The following AGAP1 variants were observed in gnomAD, a reference collection of about 807,000 sequenced individuals.
AGAP1 encodes arf-GAP with GTPase, ANK repeat and PH domain-containing protein 1.
In AGAP1, 29 loss-of-function variants were observed where a neutral mutation model predicts 105.3. That is an observed-to-expected ratio of 0.28 (90% confidence interval 0.21 to 0.38). AGAP1 has a LOEUF of 0.38. Among genes scored for constraint, AGAP1 ranks in the 10% least tolerant of loss-of-function variants. The pLI, the probability that AGAP1 is intolerant of heterozygous loss-of-function variation, is 1.00. For missense variants in AGAP1, 998 were observed against 1,165.1 expected (o/e 0.86, Z 2.09); for synonymous variants, 509 against 485.9 (o/e 1.05, Z -0.63).
At chr2:235,950,065 A>T (rs2053669355) in intron 12 of AGAP1, among the ~76,000 whole-genome samples, 1 of 152,012 alleles carries the variant, frequency 6.6e-6, no homozygotes, top group African/African-American at 2.4e-5. Context: ...GGGCACAGAG[A>T]GTGAGGTGTT....
Position 236,090,076 on chromosome 2 carries a change from C to T in AGAP1, c.2115-30116C>T, listed in dbSNP as rs149251937. Among the ~76,000 whole-genome samples the T allele has an allele frequency of 1.6e-3, 238 of 152,300 alleles. No individual in the cohort carries two copies. The highest frequency in any genetic ancestry group is 5.5e-3 in the African/African-American group (227 of 41,574). Reference sequence around the variant, plus strand: ...AGTTGCAGGGAGGAGCACGTGTTTACCAGGAAACCCACTGCTCTCCTCACC... The same window carrying T: ...AGTTGCAGGGAGGAGCACGTGTTTATCAGGAAACCCACTGCTCTCCTCACC... On this transcript the variant is annotated intron_variant, in intron 16 of 17. Transcript: ENST00000304032. The surrounding 1 kb of genome is among the most constrained non-coding windows in gnomAD (Gnocchi z 4.3).
chr2:236,053,180 T>A lies in AGAP1; in HGVS notation c.2114+3899T>A, dbSNP rs1312041387. 6.6e-6 allele frequency among the ~76,000 whole-genome samples: 1 copy of A among 152,212 alleles called. No homozygotes were observed. The highest frequency in any genetic ancestry group is 2.4e-5 in the African/African-American group (1 of 41,456). On this transcript the variant is annotated intron_variant, in intron 16 of 17. Coordinates refer to ENST00000304032, the MANE Select transcript of AGAP1 (RefSeq NM_001037131.3). The surrounding 1 kb of genome is among the most constrained non-coding windows in gnomAD (Gnocchi z 4.6). ...CTGTAAGGAGAAGTTGCCAAGCTCC[T>A]TGGTGACCCTTTCAAAGGCAAGAGT...
At chr2:235,717,748 G>A in intron 3 of AGAP1, 104 bp downstream of exon 3, 1 of 975,010 alleles carries the variant, frequency 1.0e-6, no homozygotes, top group South Asian at 1.6e-5. Flanking sequence ...GGTCAAGAAA[G>A]CAATAAAACA....
Position 235,789,359 on chromosome 2 carries a change from C to G in AGAP1, c.674-8400C>G, listed in dbSNP as rs569733163. Among the ~76,000 whole-genome samples, 3 of 152,270 alleles carry G rather than the reference C, an allele frequency of 2.0e-5. No individual in the cohort carries two copies. The highest frequency in any genetic ancestry group is 7.2e-5 in the African/African-American group (3 of 41,546). ...GAAGGTAACTGTTTATTACAGTCGG[C>G]ATTTAAATCCCCCGATTAATAGGAG... On this transcript the variant is annotated intron_variant, in intron 6 of 17. Transcript: ENST00000304032. This position sits in a 1 kb window ranked among gnomAD's most constrained non-coding sequence, Gnocchi z 4.2.
At chr2:235,947,440 A>G (rs1188859690) in intron 12 of AGAP1, among the ~76,000 whole-genome samples, 1 of 152,214 alleles carries the variant, frequency 6.6e-6, no homozygotes, top group Non-Finnish European at 1.5e-5. Context: ...TTCCATAATT[A>G]TATATACATA....
At position 235,889,369 on chromosome 2, in the gene AGAP1, C is replaced by G. The variant is rs1053619958; in HGVS notation, c.1155+5920C>G. The stretch of plus-strand genomic sequence containing the variant: ...ATGGGTCGGCTGCCTGGGAACCTCA[C>G]GAATACTGATCCCCAGGGACTGCGT... On this transcript the variant is annotated intron_variant, in intron 10 of 17. Coordinates refer to ENST00000304032, the MANE Select transcript of AGAP1 (RefSeq NM_001037131.3). The surrounding 1 kb of genome is among the most constrained non-coding windows in gnomAD (Gnocchi z 4.6). 6.6e-6 allele frequency among the ~76,000 whole-genome samples: 1 copy of G among 152,084 alleles called. No individual in the cohort carries two copies. The highest frequency in any genetic ancestry group is 6.6e-5 in the Admixed American group (1 of 15,258).
intron 1 of AGAP1, among the ~76,000 whole-genome samples, chr2:235,650,957 A>C (rs923259105): frequency 5.3e-5 from 8 of 152,078 alleles, no homozygotes; most frequent in African/African-American, 1.7e-4. Flanking sequence ...AGGCAGACAG[A>C]TCACTTGAGG....
rs993513185 is a variant in AGAP1 at position 235,664,620 on chromosome 2, A to G, written c.164-44559A>G. On this transcript the variant is annotated intron_variant, in intron 1 of 17. Coordinates refer to ENST00000304032, the MANE Select transcript of AGAP1 (RefSeq NM_001037131.3). This position sits in a 1 kb window ranked among gnomAD's most constrained non-coding sequence, Gnocchi z 5.7. ...GTTTGGGAATAAGAATCTACTCACA[A>G]TGGACACTTGCTGGCTTGTTTTAAA... Among the ~76,000 whole-genome samples, 18 of 152,206 alleles carry G rather than the reference A, an allele frequency of 1.2e-4. No individual in the cohort carries two copies. Among genetic ancestry groups the G allele is most frequent in the African/African-American group, 3.9e-4 (16 of 41,456 alleles).
At chr2:235,826,888 C>T (rs1959100443) in intron 9 of AGAP1, among the ~76,000 whole-genome samples, 1 of 152,164 alleles carries the variant, frequency 6.6e-6, no homozygotes. Context: ...AAACAGCCTC[C>T]AAAGCAATGA....
Position 235,734,798 on chromosome 2 carries a change from T to G in AGAP1, c.311-6165T>G, listed in dbSNP as rs1216248864. Among the ~76,000 whole-genome samples the G allele has an allele frequency of 6.6e-6, 1 of 152,226 alleles. No individual in the cohort carries two copies. The highest frequency in any genetic ancestry group is 1.5e-5 in the Non-Finnish European group (1 of 68,040). On this transcript the variant is annotated intron_variant, in intron 3 of 17. Transcript: ENST00000304032. The surrounding 1 kb of genome is among the most constrained non-coding windows in gnomAD (Gnocchi z 5.3). ...CGGCTTTGTTTCTGTAGGGCTTGTC[T>G]TAGCAGAAGTTCACATGGAAGAGAG... is the stretch of plus-strand genomic sequence containing the variant.
In AGAP1 at chr2:235,963,995, A is replaced by T. The variant is rs2054290328; in HGVS notation, c.1484-4467A>T. On this transcript the variant is annotated intron_variant, in intron 12 of 17. Transcript: ENST00000304032. The surrounding 1 kb of genome is among the most constrained non-coding windows in gnomAD (Gnocchi z 5.1). ...CGGAAGAGAGTTTATGATATAATGC[A>T]CCTACTGTAGGCTCAGCATTGCACA... is the stretch of plus-strand genomic sequence containing the variant. Among the ~76,000 whole-genome samples, 1 of 152,164 alleles carries T rather than the reference A, an allele frequency of 6.6e-6. No individual in the cohort carries two copies. The highest frequency in any genetic ancestry group is 6.5e-5 in the Admixed American group (1 of 15,282).
At chr2:235,673,120 C>T (rs1948525958) in intron 1 of AGAP1, among the ~76,000 whole-genome samples, 1 of 152,154 alleles carries the variant, frequency 6.6e-6, no homozygotes. Flanking sequence ...AATTCTTTGC[C>T]TTTGGCTAAA....
At chr2:235,498,646 A>G (rs1941427724) in intron 1 of AGAP1, among the ~76,000 whole-genome samples, 1 of 152,206 alleles carries the variant, frequency 6.6e-6, no homozygotes, top group East Asian at 1.9e-4. Flanking sequence ...TAGCAGTCAC[A>G]CATCGTAATT....
rs1267617759 is a variant in AGAP1 at position 235,882,785 on chromosome 2, A to G, written c.1051-560A>G. ...CCACCGTGCCCGGCCTGGTTAATGCAGTTTTTTTAGTTTGTTCTTTCTTTT... is the reference window on the plus strand; with the variant it reads ...CCACCGTGCCCGGCCTGGTTAATGCGGTTTTTTTAGTTTGTTCTTTCTTTT... On this transcript the variant is annotated intron_variant, in intron 9 of 17. Coordinates refer to ENST00000304032, the MANE Select transcript of AGAP1 (RefSeq NM_001037131.3). The surrounding 1 kb of genome is among the most constrained non-coding windows in gnomAD (Gnocchi z 4.6). 6.6e-6 allele frequency among the ~76,000 whole-genome samples: 1 copy of G among 151,546 alleles called. No individual in the cohort carries two copies. The highest frequency in any genetic ancestry group is 1.5e-5 in the Non-Finnish European group (1 of 67,892).
chr2:235,929,383 C>A (rs998855786), intron 11 of AGAP1, among the ~76,000 whole-genome samples: 1 of 152,162 alleles, frequency 6.6e-6, no homozygotes, highest in Non-Finnish European at 1.5e-5. Flanking sequence ...TCCGATCCTT[C>A]CTTCCCTGGG....
Position 236,119,917 on chromosome 2 carries a change from C to A in AGAP1, c.2115-275C>A, listed in dbSNP as rs563213304. Among the ~76,000 whole-genome samples the A allele has an allele frequency of 6.6e-6, 1 of 152,146 alleles. No individual in the cohort carries two copies. The highest frequency in any genetic ancestry group is 2.4e-5 in the African/African-American group (1 of 41,436). ...TCACACCTTGGGCCTATTGGAATCCCCTGCAGGGCTTCTTAAAACACCCCG... is the reference window on the plus strand; with the variant it reads ...TCACACCTTGGGCCTATTGGAATCCACTGCAGGGCTTCTTAAAACACCCCG... On this transcript the variant is annotated intron_variant, in intron 16 of 17. Coordinates refer to ENST00000304032, the MANE Select transcript of AGAP1 (RefSeq NM_001037131.3). This position sits in a 1 kb window ranked among gnomAD's most constrained non-coding sequence, Gnocchi z 6.6.
intron 1 of AGAP1, among the ~76,000 whole-genome samples, chr2:235,698,442 A>ATTT (rs1950101645): frequency 6.6e-6 from 1 of 152,226 alleles, no homozygotes; most frequent in African/African-American, 2.4e-5. Context: ...TCATGAAAAA[A>ATTT]AAATGGCTGT....
intron 6 of AGAP1, among the ~76,000 whole-genome samples, chr2:235,757,160 C>T (rs1308973293): frequency 6.6e-6 from 1 of 152,194 alleles, no homozygotes; most frequent in African/African-American, 2.4e-5. Flanking sequence ...AGGTCAAGAT[C>T]CATGTCAAAG....
At chr2:235,836,527 C>T (rs981505602) in intron 9 of AGAP1, among the ~76,000 whole-genome samples, 1 of 152,218 alleles carries the variant, frequency 6.6e-6, no homozygotes, top group African/African-American at 2.4e-5. Flanking sequence ...ACTGTGATAT[C>T]GAAGTCAGTG....
Sources: gnomAD v4.1 joint callset for allele counts (sites outside exome capture counted in the v4.1 genomes callset) on GRCh38, gnomAD v4.1.1 for gene constraint, Gnocchi (gnomAD v3.1) non-coding constraint, MANE v1.5 for transcripts, NCBI Gene and HGNC (gene_info 2026-07-23, HGNC 2026-07-21) for gene names.